Variants in CCT2 observed in about 807,000 individuals in gnomAD.
CCT2 encodes T-complex protein 1 subunit beta.
In CCT2, 18 loss-of-function variants were observed where a neutral mutation model predicts 61.8. The observed-to-expected ratio is 0.29, with a 90% CI of 0.20 to 0.43. The LOEUF is 0.43. CCT2 is among the 20% of genes least tolerant of loss of function. CCT2 has a pLI of 1.00. For synonymous variants in CCT2, 248 were observed against 215.9 expected, an observed-to-expected ratio of 1.15 and a Z score of -1.30; for missense variants, 556 against 656.9, an observed-to-expected ratio of 0.85 and a Z score of 1.68.
In CCT2 at chr12:69,585,482, C is replaced by T. The variant is rs768563666; in HGVS notation, c.-40C>T. 91 of 1,557,504 alleles carry T rather than the reference C, an allele frequency of 5.8e-5. No homozygotes were observed. Among genetic ancestry groups the T allele is most frequent in the African/African-American group, 5.4e-5 (4 of 73,504 alleles). ...TCAGTCCGCTGGTCCCGAGCACGAG[C>T]TGTGAGGGGATTCACTTGTGTGCGG... On this transcript the variant is annotated 5_prime_UTR_variant, in exon 1 of 16. Transcript: ENST00000299300.
At position 69,595,251 on chromosome 12, in the gene CCT2, G is replaced by A. The variant is rs183204281; in HGVS notation, c.982+1638G>A. Among the ~76,000 whole-genome samples the A allele has an allele frequency of 2.0e-3, 300 of 152,246 alleles. 1 individual carries two copies. Among genetic ancestry groups the A allele is most frequent in the Middle Eastern group, 0.014 (4 of 294 alleles). On this transcript the variant is annotated intron_variant, in intron 10 of 15. Coordinates refer to ENST00000299300, the MANE Select transcript of CCT2 (RefSeq NM_006431.3). ...AAGCATAGTCGTCTTCTAACCAAGA[G>A]ACATTTTCCTTTAATTACTTGAAGT...
chr12:69,597,853 T>A, intron 12 of CCT2, 87 bp downstream of exon 12: 2 of 1,415,668 alleles, frequency 1.4e-6, no homozygotes, highest in Non-Finnish European at 1.9e-6. Flanking sequence ...CTTACAGAAA[T>A]CTTATATTGC....
chr12:69,599,492 A>C (rs1199755508), intron 14 of CCT2, among the ~76,000 whole-genome samples: 1 of 152,156 alleles, frequency 6.6e-6, no homozygotes, highest in African/African-American at 2.4e-5. Flanking sequence ...GGTTCAAGTG[A>C]TTATCCTGCC....
At chr12:69,601,116 A>G (rs1244141561) in intron 15 of CCT2, among the ~76,000 whole-genome samples, 179 bp from the exon 16 acceptor site, 4 of 152,204 alleles carry the variant, frequency 2.6e-5, no homozygotes, top group African/African-American at 9.7e-5. Context: ...CCAACTTCCA[A>G]TACTGCCACA....
intron 15 of CCT2, among the ~76,000 whole-genome samples, chr12:69,600,540 C>G (rs1016778585): frequency 2.0e-5 from 3 of 152,076 alleles, no homozygotes; most frequent in African/African-American, 7.2e-5. Flanking sequence ...GCCTTCCAGA[C>G]CTACCAGACC....
At chr12:69,589,416 C>T in intron 6 of CCT2, 69 bp from the exon 7 acceptor site, 1 of 1,055,406 alleles carries the variant, frequency 9.5e-7, no homozygotes, top group South Asian at 1.3e-5. Context: ...TATCTATTGA[C>T]ATGAATATCT....
rs201394494 is a variant in CCT2, at chr12:69,594,843, CT to C, written c.982+1233del. ...CCTAAGTGACAGAGCAAGACCCTGT[CT>C]TTAAAAAAAAAAAAAAAAATGCAGC... On this transcript the variant is annotated intron_variant, in intron 10 of 15. Coordinates refer to ENST00000299300, the MANE Select transcript of CCT2 (RefSeq NM_006431.3). 0.037 allele frequency among the ~76,000 whole-genome samples: 4,552 copies of C among 122,556 alleles called. 387 individuals are homozygous for C. The East Asian group carries it at 0.41, about 11-fold the overall frequency. 80.4% of individuals were successfully genotyped at this position (122,556 alleles called of 152,430 possible). A position where few individuals can be genotyped will look rare whatever the true frequency, so the allele number is the denominator to read the frequency against.
chr12:69,586,917 C>T, intron 3 of CCT2, 99 bp downstream of exon 3: 1 of 719,766 alleles, frequency 1.4e-6, no homozygotes, highest in Admixed American at 2.8e-5. Context: ...ATCTTTAAAA[C>T]GTTTAATTAT....
At position 69,585,494 on chromosome 12, in the gene CCT2, TC is replaced by T. The variant is rs1385784874; in HGVS notation, c.-27del. 6.4e-7 allele frequency: 1 copy of T among 1,562,546 alleles called. No homozygotes were observed. The highest frequency in any genetic ancestry group is 1.9e-5 in the Admixed American group (1 of 52,426). ...TCCCGAGCACGAGCTGTGAGGGGAT[TC>T]ACTTGTGTGCGGAACTCCTCGGAAC... On this transcript the variant is annotated 5_prime_UTR_variant, in exon 1 of 16. Transcript: ENST00000299300.
At chr12:69,598,234 T>C (rs1882047752) in intron 13 of CCT2, 88 bp from the exon 14 acceptor site, 1 of 1,084,682 alleles carries the variant, frequency 9.2e-7, no homozygotes, top group African/African-American at 1.6e-5. Context: ...TTCCTAAATG[T>C]ATAATTTTAA....
chr12:69,596,210 G>A (rs1020658288), intron 10 of CCT2, among the ~76,000 whole-genome samples: 6 of 151,980 alleles, frequency 3.9e-5, no homozygotes, highest in African/African-American at 1.4e-4. Context: ...TCAGAATTTT[G>A]CCAGCCAAAA....
chr12:69,588,097 G>A, intron 5 of CCT2, 53 bp from the exon 6 acceptor site: 1 of 1,527,638 alleles, frequency 6.5e-7, no homozygotes, highest in East Asian at 2.3e-5. Flanking sequence ...TACTATTGAG[G>A]AGTGCTTAAT....
rs1881715430 is a variant in CCT2 at position 69,588,023 on chromosome 12, A to G, written c.333+17A>G. 3 of 1,605,760 alleles carry G rather than the reference A, an allele frequency of 1.9e-6. No individual in the cohort carries two copies. The highest frequency in any genetic ancestry group is 2.6e-6 in the Non-Finnish European group (3 of 1,172,590). On this transcript the variant is annotated intron_variant, in intron 5 of 15. Transcript: ENST00000299300. ...TTATTAAGGGTAAGAGCAACTAAGC[A>G]ACTCTTTTTTCCTACTGTGTTTTTG...
Position 69,597,776 on chromosome 12 carries a change from TA to T in CCT2, c.1231+11del. ...ACAGTTTATGGAGGAGGTAAGCATT[TA>T]GAAAATGTTGAATATATTTTTAATT... On this transcript the variant is annotated intron_variant, in intron 12 of 15. Coordinates refer to ENST00000299300, the MANE Select transcript of CCT2 (RefSeq NM_006431.3). 1 of 1,598,950 alleles carries T rather than the reference TA, an allele frequency of 6.3e-7. No individual in the cohort carries two copies. Among genetic ancestry groups the T allele is most frequent in the Non-Finnish European group, 8.5e-7 (1 of 1,171,832 alleles).
chr12:69,590,915 C>T (rs189495134), intron 7 of CCT2, among the ~76,000 whole-genome samples: 13 of 150,650 alleles, frequency 8.6e-5, no homozygotes, highest in Non-Finnish European at 1.2e-4. Context: ...GACGGGGTAT[C>T]GCCATGTTGA....
chr12:69,588,348 A>G (rs1006695287), intron 6 of CCT2, 86 bp downstream of exon 6: 9 of 978,414 alleles, frequency 9.2e-6, no homozygotes, highest in East Asian at 2.5e-5. Flanking sequence ...GACACTGAAA[A>G]GCATACACAA....
intron 15 of CCT2, 149 bp from the exon 16 acceptor site, chr12:69,601,146 G>A (rs1882135562): frequency 7.9e-6 from 5 of 631,086 alleles, no homozygotes; most frequent in Non-Finnish European, 1.3e-5. Flanking sequence ...CAGTTTCAAT[G>A]TGAGTGTTAT....
chr12:69,600,008 C>T lies in CCT2; in HGVS notation c.1577+4C>T, dbSNP rs376741199. On this transcript the variant is annotated splice_donor_region_variant and intron_variant, in intron 15 of 15. Coordinates refer to ENST00000299300, the MANE Select transcript of CCT2 (RefSeq NM_006431.3). ...ACATCATCAAAGCGGCACCCAGGTA[C>T]CCTAACACTTTTCTCAGAAAAAATT... 84 of 1,595,596 alleles carry T rather than the reference C, an allele frequency of 5.3e-5. No homozygotes were observed. Among genetic ancestry groups the T allele is most frequent in the Non-Finnish European group, 7.0e-5 (82 of 1,173,290 alleles).
rs1881727890 is a variant in CCT2, at chr12:69,588,336, A to G, written c.446+74A>G. The G allele has an allele frequency of 5.5e-6, 6 of 1,081,788 alleles. No individual in the cohort carries two copies. In the Admixed American group the frequency reaches 9.3e-5, roughly 17 times the overall value. The allele number at this position is 1,081,788 out of a possible 1,614,324, so 67.0% of individuals were successfully genotyped here. On this transcript the variant is annotated intron_variant, in intron 6 of 15. Transcript: ENST00000299300. ...AACATGCTTAATGCAAGAAATCTAT[A>G]GGACACTGAAAAGCATACACAAAGA... is the stretch of plus-strand genomic sequence containing the variant.
Sources: gnomAD v4.1 joint callset for allele counts (sites outside exome capture counted in the v4.1 genomes callset) on GRCh38, gnomAD v4.1.1 for gene constraint, MANE v1.5 for transcripts, NCBI Gene and HGNC (gene_info 2026-07-23, HGNC 2026-07-21) for gene names.